The following SORCS1 variants were observed in gnomAD, a reference collection of about 807,000 sequenced individuals.
SORCS1 encodes VPS10 domain-containing receptor SorCS1.
SORCS1 carries 60 observed loss-of-function variants against 146.1 expected under a neutral mutation model. The ratio of observed to expected loss-of-function variants is 0.41; its 90% CI spans 0.33 to 0.51. The LOEUF (loss-of-function observed/expected upper bound fraction) is 0.51, where lower values mean the gene tolerates loss of function less well. Among genes scored for constraint, SORCS1 ranks in the 20% least tolerant of loss-of-function variants. The pLI is 0.21. For synonymous variants in SORCS1, 637 were observed against 584.0 expected, an observed-to-expected ratio of 1.09 and a Z score of -1.31; for missense variants, 1,352 against 1,487.6, an observed-to-expected ratio of 0.91 and a Z score of 1.50.
At chr10:107,118,097 G>A (rs1966153373) in intron 1 of SORCS1, among the ~76,000 whole-genome samples, 1 of 152,084 alleles carries the variant, frequency 6.6e-6, no homozygotes, top group African/African-American at 2.4e-5. Context: ...TTAAAGGTGG[G>A]GCCTACAGGA....
intron 23 of SORCS1, chr10:106,600,467 A>G: frequency 2.0e-6 from 2 of 983,406 alleles, no homozygotes; most frequent in Non-Finnish European, 2.4e-6. Context: ...CTCAATTAGA[A>G]CCATGTGCTT....
intron 1 of SORCS1, among the ~76,000 whole-genome samples, chr10:107,077,025 T>A (rs1962944654): frequency 1.3e-5 from 2 of 152,200 alleles, no homozygotes; most frequent in Admixed American, 6.5e-5. Context: ...TTGCATGTGT[T>A]ACTTCTAATG....
rs190066859 is a variant in SORCS1, at chr10:106,889,827, G to C, written c.627-60154C>G. Among the ~76,000 whole-genome samples, 29 of 146,260 alleles carry C rather than the reference G, an allele frequency of 2.0e-4. 1 individual carries two copies. The East Asian group carries it at 2.1e-3, about 10-fold the overall frequency. On this transcript the variant is annotated intron_variant, in intron 2 of 25. Coordinates refer to ENST00000263054, the MANE Select transcript of SORCS1 (RefSeq NM_052918.5). ...GTGAACCCGGGAGGCGGAGCTTGCA[G>C]TGAGCCGAGATCGCGCCACTGTACT...
At chr10:106,815,220 G>A (rs1289744141) in intron 3 of SORCS1, among the ~76,000 whole-genome samples, 2 of 152,102 alleles carry the variant, frequency 1.3e-5, no homozygotes, top group African/African-American at 4.8e-5. Context: ...GCCTCCCAAA[G>A]TGCTAGGGTT....
intron 23 of SORCS1, among the ~76,000 whole-genome samples, chr10:106,598,911 G>A (rs766750619): frequency 2.6e-5 from 4 of 152,248 alleles, no homozygotes; most frequent in Non-Finnish European, 5.9e-5. Context: ...CTGCCCAGTC[G>A]TTGAGCACCT....
intron 1 of SORCS1, among the ~76,000 whole-genome samples, chr10:107,039,380 C>A (rs1419988438): frequency 6.8e-6 from 1 of 146,752 alleles, no homozygotes; most frequent in Non-Finnish European, 1.5e-5. Flanking sequence ...GTATGCCAAA[C>A]TAACTGAAAA....
At chr10:107,152,641 C>A (rs1968918928) in intron 1 of SORCS1, among the ~76,000 whole-genome samples, 1 of 152,186 alleles carries the variant, frequency 6.6e-6, no homozygotes, top group Non-Finnish European at 1.5e-5. Flanking sequence ...CTGCACCTCT[C>A]TCTTCTGCTG....
At chr10:106,821,609 CTTCT>C (rs1405540270) in intron 3 of SORCS1, among the ~76,000 whole-genome samples, 3 of 152,102 alleles carry the variant, frequency 2.0e-5, no homozygotes, top group Non-Finnish European at 2.9e-5. Flanking sequence ...AAGCAGGAAG[CTTCT>C]TTCTATCAAA....
In SORCS1 at chr10:107,021,880, G is replaced by A. The variant is rs77238813; in HGVS notation, c.559-65300C>T. ...CTACTTTACGTGATTGGTGGAAGCT[G>A]TGTTTTATAAATACTTTATATTAAG... On this transcript the variant is annotated intron_variant, in intron 1 of 25. Coordinates refer to ENST00000263054, the MANE Select transcript of SORCS1 (RefSeq NM_052918.5). Among the ~76,000 whole-genome samples the A allele has an allele frequency of 7.1e-3, 1,078 of 152,270 alleles. 14 individuals carry two copies. The highest frequency in any genetic ancestry group is 0.024 in the African/African-American group (1,000 of 41,556).
intron 1 of SORCS1, among the ~76,000 whole-genome samples, chr10:107,007,430 G>A (rs1269860004): frequency 6.6e-6 from 1 of 152,146 alleles, no homozygotes; most frequent in African/African-American, 2.4e-5. Flanking sequence ...AGACCCTAAT[G>A]GAGTGGAAAG....
intron 1 of SORCS1, among the ~76,000 whole-genome samples, chr10:107,003,903 C>A (rs574308360): frequency 1.3e-5 from 2 of 152,030 alleles, no homozygotes; most frequent in African/African-American, 4.8e-5. Flanking sequence ...CGGCTGGGTG[C>A]GGTGGCTCAT....
chr10:106,851,688 C>A (rs2137289240), intron 2 of SORCS1, among the ~76,000 whole-genome samples: 1 of 152,312 alleles, frequency 6.6e-6, no homozygotes, highest in East Asian at 1.9e-4. Context: ...TATTCTGGGT[C>A]TCCTACATCT....
chr10:106,784,852 G>A (rs1228128742), intron 3 of SORCS1, among the ~76,000 whole-genome samples: 4 of 152,186 alleles, frequency 2.6e-5, no homozygotes, highest in African/African-American at 4.8e-5. Context: ...TCTTAACATT[G>A]ATTTAAGTGA....
At chr10:106,630,753 T>C (rs979044003) in intron 18 of SORCS1, among the ~76,000 whole-genome samples, 4 of 152,132 alleles carry the variant, frequency 2.6e-5, no homozygotes, top group African/African-American at 9.7e-5. Context: ...AGACCTACAA[T>C]TGTCCCTTTA....
the SORCS1 span, among the ~76,000 whole-genome samples, chr10:107,175,468 C>T: frequency 1.4e-4 from 22 of 152,110 alleles, 3 homozygotes; most frequent in Admixed American, 1.2e-3. Context: ...GATGGAATCT[C>T]GCTCTGTCAC....
intron 2 of SORCS1, among the ~76,000 whole-genome samples, chr10:106,893,961 C>G (rs576215218): frequency 4.9e-4 from 75 of 152,196 alleles, no homozygotes; most frequent in African/African-American, 1.7e-3. Context: ...TCATTAATAA[C>G]AGAGATGGAC....
At chr10:106,886,133 G>A (rs533588536) in intron 2 of SORCS1, among the ~76,000 whole-genome samples, 22 of 152,174 alleles carry the variant, frequency 1.4e-4, no homozygotes, top group Non-Finnish European at 2.8e-4. Flanking sequence ...ATGGTAGCAG[G>A]CACCTGTAAT....
At chr10:107,020,716 T>C (rs1958090668) in intron 1 of SORCS1, among the ~76,000 whole-genome samples, 1 of 152,214 alleles carries the variant, frequency 6.6e-6, no homozygotes, top group Non-Finnish European at 1.5e-5. Context: ...AAACAGACCT[T>C]TCTAAAGAAT....
At chr10:106,781,487 T>C (rs898102850) in intron 3 of SORCS1, among the ~76,000 whole-genome samples, 6 of 152,146 alleles carry the variant, frequency 3.9e-5, no homozygotes, top group African/African-American at 1.2e-4. Context: ...GCATAATAAA[T>C]GCTTTTCATA....
Sources: gnomAD v4.1 joint callset for allele counts (sites outside exome capture counted in the v4.1 genomes callset) on GRCh38, gnomAD v4.1.1 for gene constraint, MANE v1.5 for transcripts, NCBI Gene and HGNC (gene_info 2026-07-23, HGNC 2026-07-21) for gene names.